The following R3HDM2 variants were observed in gnomAD, a reference collection of about 807,000 sequenced individuals.
R3HDM2 encodes R3H domain containing 2.
In R3HDM2, 38 loss-of-function variants were observed where a neutral mutation model predicts 124.5. That is an observed-to-expected ratio of 0.31 (90% CI 0.24 to 0.40). R3HDM2 has a LOEUF of 0.40. R3HDM2 is among the 10% of genes least tolerant of loss of function. R3HDM2 has a pLI of 1.00. For missense variants in R3HDM2, 869 were observed against 1,236.9 expected, an observed-to-expected ratio of 0.70 and a Z score of 4.46; for synonymous variants, 391 against 448.0, an observed-to-expected ratio of 0.87 and a Z score of 1.61.
chr12:57,321,315 G>A (rs2056410223), intron 2 of R3HDM2, among the ~76,000 whole-genome samples: 1 of 152,128 alleles, frequency 6.6e-6, no homozygotes, highest in Non-Finnish European at 1.5e-5. Flanking sequence ...AGCATTTTGG[G>A]TAAAGGTTGC....
rs2060145990 is a variant in R3HDM2, at chr12:57,346,936, C to T, written c.-35-36473G>A. The stretch of plus-strand genomic sequence containing the variant: ...GACTCCACCTGAAATGGTAAAATAT[C>T]AATTCTAAATATTAAAAGTTACATG... On this transcript the variant is annotated intron_variant, in intron 2 of 23. Transcript: ENST00000402412. 2.0e-5 allele frequency among the ~76,000 whole-genome samples: 3 copies of T among 152,082 alleles called. No homozygotes were observed. In the South Asian group the frequency reaches 6.2e-4, roughly 31 times the overall value.
At position 57,361,087 on chromosome 12, in the gene R3HDM2, G is replaced by A. The variant is rs1334732402; in HGVS notation, c.-36+34662C>T. 3.6e-5 allele frequency among the ~76,000 whole-genome samples: 5 copies of A among 140,232 alleles called. No individual in the cohort carries two copies. In the South Asian group the frequency reaches 1.1e-3, roughly 32 times the overall value. The allele number at this position is 140,232 out of a possible 152,430, so 92.0% of individuals were successfully genotyped here. On this transcript the variant is annotated intron_variant, in intron 2 of 23. Coordinates refer to ENST00000402412, the MANE Select transcript of R3HDM2 (RefSeq NM_001394031.1). The stretch of plus-strand genomic sequence containing the variant: ...AAAAAAAAAAGCAAAGCAAAGCAAA[G>A]CATAGGCTTTTCTTACAGTGGCTCA...
chr12:57,425,747 G>C (rs1031410648), intron 1 of R3HDM2, among the ~76,000 whole-genome samples: 27 of 152,172 alleles, frequency 1.8e-4, no homozygotes, highest in South Asian at 6.2e-4. Context: ...GTAGTGAGCT[G>C]AAATCAGGAC....
At chr12:57,349,379 C>CAAAAAAAAAAAAAAAA (rs1161831845) in intron 2 of R3HDM2, among the ~76,000 whole-genome samples, 20 of 57,750 alleles carry the variant, frequency 3.5e-4, no homozygotes, top group African/African-American at 9.3e-4. Context: ...ACTCCGTCTC[C>CAAAAAAAAAAAAAAAA]AAAAAAAAAA....
intron 2 of R3HDM2, among the ~76,000 whole-genome samples, chr12:57,322,025 C>T (rs1317371712): frequency 2.6e-5 from 4 of 152,164 alleles, no homozygotes; most frequent in Admixed American, 1.3e-4. Flanking sequence ...GCCAGGAGTT[C>T]GAGACCAGCC....
At chr12:57,418,894 C>T (rs2069912293) in intron 1 of R3HDM2, among the ~76,000 whole-genome samples, 1 of 152,136 alleles carries the variant, frequency 6.6e-6, no homozygotes, top group African/African-American at 2.4e-5. Flanking sequence ...ACAATAGCCT[C>T]CTAACCAGTG....
intron 1 of R3HDM2, among the ~76,000 whole-genome samples, chr12:57,424,685 T>A (rs1443707460): frequency 6.6e-6 from 1 of 152,150 alleles, no homozygotes; most frequent in Non-Finnish European, 1.5e-5. Flanking sequence ...AAATATGAAC[T>A]GTATTTTTTG....
chr12:57,418,699 C>T (rs1487807560), intron 1 of R3HDM2, among the ~76,000 whole-genome samples: 1 of 152,018 alleles, frequency 6.6e-6, no homozygotes, highest in East Asian at 1.9e-4. Context: ...GCTGGGATTA[C>T]AGGCACCCAC....
chr12:57,270,638 G>A (rs1328714532), intron 14 of R3HDM2, among the ~76,000 whole-genome samples: 1 of 152,042 alleles, frequency 6.6e-6, no homozygotes, highest in Non-Finnish European at 1.5e-5. Context: ...TCACCATGTT[G>A]GCCAGGCTGG....
intron 2 of R3HDM2, among the ~76,000 whole-genome samples, chr12:57,388,909 A>G (rs766592718): frequency 1.3e-5 from 2 of 152,242 alleles, no homozygotes; most frequent in Admixed American, 6.5e-5. Context: ...AACCGAATCC[A>G]TAACTAGTAG....
intron 2 of R3HDM2, among the ~76,000 whole-genome samples, chr12:57,315,688 G>A (rs186291052): frequency 1.8e-4 from 27 of 152,312 alleles, no homozygotes; most frequent in African/African-American, 6.0e-4. Context: ...TTCATCTGTA[G>A]AATATGGTCA....
intron 2 of R3HDM2, among the ~76,000 whole-genome samples, chr12:57,331,080 C>G: frequency 6.6e-6 from 1 of 152,112 alleles, no homozygotes; most frequent in Middle Eastern, 3.2e-3. Context: ...AATTTTGATG[C>G]CTTTTCTTTC....
chr12:57,345,876 AG>A (rs2060036166), intron 2 of R3HDM2, among the ~76,000 whole-genome samples: 1 of 152,208 alleles, frequency 6.6e-6, no homozygotes, highest in East Asian at 1.9e-4. Flanking sequence ...CAGGAGAATG[AG>A]GGCTGGGTGC....
chr12:57,411,959 G>A (rs1183888386), intron 1 of R3HDM2, among the ~76,000 whole-genome samples: 2 of 152,144 alleles, frequency 1.3e-5, no homozygotes, highest in Admixed American at 6.6e-5. Flanking sequence ...GGTTTTGTAA[G>A]GGGCTCTTCC....
chr12:57,264,806 T>C (rs1379950576), intron 19 of R3HDM2, among the ~76,000 whole-genome samples: 5 of 151,982 alleles, frequency 3.3e-5, no homozygotes, highest in African/African-American at 4.8e-5. Context: ...CCAACTAATT[T>C]TTAAATTTTT....
intron 18 of R3HDM2, among the ~76,000 whole-genome samples, chr12:57,267,221 A>G (rs2042639959): frequency 1.3e-5 from 2 of 152,174 alleles, no homozygotes; most frequent in South Asian, 4.1e-4. Flanking sequence ...TGGGTAAAAA[A>G]AAAAAACACA....
chr12:57,397,581 C>A (rs1234085337), intron 1 of R3HDM2, among the ~76,000 whole-genome samples: 2 of 152,086 alleles, frequency 1.3e-5, no homozygotes, highest in Non-Finnish European at 2.9e-5. Flanking sequence ...GCTAAAGTTG[C>A]GAAGGAATGG....
chr12:57,426,344 GC>G (rs1258094098), intron 1 of R3HDM2, among the ~76,000 whole-genome samples: 1 of 152,128 alleles, frequency 6.6e-6, no homozygotes, highest in Non-Finnish European at 1.5e-5. Context: ...TGCTAAAAAT[GC>G]CCCCCAAAAT....
chr12:57,314,759 C>T (rs1320371973), intron 2 of R3HDM2, among the ~76,000 whole-genome samples: 1 of 152,134 alleles, frequency 6.6e-6, no homozygotes, highest in Non-Finnish European at 1.5e-5. Context: ...CATCTTTTAT[C>T]ACATGATAGG....
Sources: gnomAD v4.1 joint callset for allele counts (sites outside exome capture counted in the v4.1 genomes callset) on GRCh38, gnomAD v4.1.1 for gene constraint, MANE v1.5 for transcripts, NCBI Gene and HGNC (gene_info 2026-07-23, HGNC 2026-07-21) for gene names.